PAPPA: variants seen among roughly 807,000 people sequenced by gnomAD.
PAPPA encodes the protein pappalysin-1.
Under a neutral mutation model 164.0 loss-of-function variants are expected in PAPPA, and 60 were observed. That is an observed-to-expected ratio of 0.37 (90% CI 0.30 to 0.45). The LOEUF (loss-of-function observed/expected upper bound fraction) is 0.45. PAPPA is among the 20% of genes least tolerant of loss of function. PAPPA has a pLI of 1.00. For missense variants in PAPPA, 1,782 were observed against 2,087.3 expected (o/e 0.85, Z 2.85); for synonymous variants, 875 against 814.1 (o/e 1.07, Z -1.27).
At chr9:116,249,483 TGTAAG>T in intron 7 of PAPPA, among the ~76,000 whole-genome samples, 1 of 152,294 alleles carries the variant, frequency 6.6e-6, no homozygotes, top group Admixed American at 6.5e-5. Context: ...ATTGAGTGTC[TGTAAG>T]GTAAGAGAAG....
Position 116,205,078 on chromosome 9 carries a change from T to A in PAPPA, c.1479-2378T>A, listed in dbSNP as rs1180276289. Among the ~76,000 whole-genome samples, 3 of 151,908 alleles carry A rather than the reference T, an allele frequency of 2.0e-5. No homozygotes were observed. The East Asian group carries it at 5.8e-4, about 29-fold the overall frequency. ...CAGAGCTGTGTTGTTGCTTTTTTTT[T>A]TTTTCCCCCCTTTGGGTGGGTTCCC... On this transcript the variant is annotated intron_variant, in intron 2 of 21. Coordinates refer to ENST00000328252, the MANE Select transcript of PAPPA (RefSeq NM_002581.5).
rs886600035 is a variant in PAPPA, at chr9:116,235,193, A to T, written c.2288A>T (p.Asn763Ile). The T allele has an allele frequency of 1.2e-6, 2 of 1,614,068 alleles. No homozygotes were observed. The highest frequency in any genetic ancestry group is 2.7e-5 in the African/African-American group (2 of 75,010). ...CKSSVRTWSP[N>I]SAVNPHTVPP... ...TCCAGTGTCCGCACCTGGAGCCCAA[A>T]TTCAGCTGTCAACCCACACACGGTT... The change falls in exon 7 of 22, where the codon AAT becomes ATT. Residue 763 changes from asparagine to isoleucine, a missense_variant. Coordinates refer to ENST00000328252, the MANE Select transcript of PAPPA (RefSeq NM_002581.5).
At chr9:116,199,698 A>T (rs1187401984) in intron 2 of PAPPA, among the ~76,000 whole-genome samples, 1 of 152,174 alleles carries the variant, frequency 6.6e-6, no homozygotes, top group African/African-American at 2.4e-5. Flanking sequence ...ATATTGCTTC[A>T]GAGGAATACC....
chr9:116,395,251 A>G (rs951460685), intron 21 of PAPPA, among the ~76,000 whole-genome samples: 1 of 152,180 alleles, frequency 6.6e-6, no homozygotes, highest in African/African-American at 2.4e-5. Flanking sequence ...TCTACATTTT[A>G]AATTATTGCA....
intron 21 of PAPPA, among the ~76,000 whole-genome samples, chr9:116,387,803 G>A (rs747249152): frequency 6.6e-6 from 1 of 152,210 alleles, no homozygotes; most frequent in Non-Finnish European, 1.5e-5. Context: ...CACAGCACCT[G>A]CCTCTAACCC....
At chr9:116,198,291 T>C (rs2118654484) in intron 2 of PAPPA, among the ~76,000 whole-genome samples, 1 of 152,312 alleles carries the variant, frequency 6.6e-6, no homozygotes, top group East Asian at 1.9e-4. Context: ...CCTCCTTACT[T>C]AGCAAGAGAT....
chr9:116,395,252 A>C (rs1347841234), intron 21 of PAPPA, among the ~76,000 whole-genome samples: 1 of 152,162 alleles, frequency 6.6e-6, no homozygotes, highest in Admixed American at 6.5e-5. Flanking sequence ...CTACATTTTA[A>C]ATTATTGCAA....
chr9:116,392,846 C>T (rs1223075437), intron 21 of PAPPA, among the ~76,000 whole-genome samples: 2 of 152,146 alleles, frequency 1.3e-5, no homozygotes, highest in Non-Finnish European at 2.9e-5. Context: ...CTGAAGTCCA[C>T]AAGATGCCAG....
intron 9 of PAPPA, among the ~76,000 whole-genome samples, chr9:116,298,522 C>A (rs1349627773): frequency 2.0e-5 from 3 of 152,154 alleles, no homozygotes; most frequent in Non-Finnish European, 4.4e-5. Flanking sequence ...TCAGAATGCC[C>A]AGTGCAATCC....
chr9:116,241,216 T>C (rs1207455454), intron 7 of PAPPA, among the ~76,000 whole-genome samples: 1 of 152,204 alleles, frequency 6.6e-6, no homozygotes, highest in Non-Finnish European at 1.5e-5. Flanking sequence ...TTTGTTGACT[T>C]CCAACATGAG....
At chr9:116,280,075 G>A (rs561055709) in intron 9 of PAPPA, among the ~76,000 whole-genome samples, 5 of 152,098 alleles carry the variant, frequency 3.3e-5, no homozygotes, top group Admixed American at 6.5e-5. Context: ...GGAAAAAATC[G>A]GCTGCTTGCC....
At chr9:116,218,673 C>T (rs1057346755) in intron 4 of PAPPA, among the ~76,000 whole-genome samples, 4 of 152,122 alleles carry the variant, frequency 2.6e-5, no homozygotes, top group Non-Finnish European at 4.4e-5. Context: ...GCCTCAGACT[C>T]AACTCCCATT....
chr9:116,180,292 T>G (rs1011561356), intron 1 of PAPPA, among the ~76,000 whole-genome samples: 4 of 151,916 alleles, frequency 2.6e-5, no homozygotes, highest in Admixed American at 2.6e-4. Flanking sequence ...CATGGTGGAT[T>G]GAGAGCACCA....
In PAPPA at chr9:116,396,849, A is replaced by C. The variant is rs1168027695; in HGVS notation, c.*233A>C. On this transcript the variant is annotated 3_prime_UTR_variant, in exon 22 of 22. Coordinates refer to ENST00000328252, the MANE Select transcript of PAPPA (RefSeq NM_002581.5). ...CATCCCAAAGTCTGAGATGGATTGC[A>C]TATACAGTGTGCAGTCCCAGAGCCT... 1.1e-5 allele frequency: 6 copies of C among 562,538 alleles called. No individual in the cohort carries two copies. Among genetic ancestry groups the C allele is most frequent in the Non-Finnish European group, 1.9e-5 (6 of 313,976 alleles). 34.8% of individuals were successfully genotyped at this position (562,538 alleles called of 1,614,324 possible).
chr9:116,173,541 A>C (rs941534136), intron 1 of PAPPA, among the ~76,000 whole-genome samples: 3 of 152,210 alleles, frequency 2.0e-5, no homozygotes, highest in African/African-American at 7.2e-5. Context: ...ATCTTTTGGC[A>C]TGTCATTCAC....
chr9:116,175,542 TAAAAG>T (rs1441835847), intron 1 of PAPPA, among the ~76,000 whole-genome samples: 8 of 152,252 alleles, frequency 5.3e-5, no homozygotes, highest in African/African-American at 1.7e-4. Context: ...AATACAAACT[TAAAAG>T]AAGAAGAAAA....
chr9:116,235,493 A>C lies in PAPPA; in HGVS notation c.2588A>C (p.Glu863Ala), dbSNP rs1377248330. Residue 863 changes from glutamate to alanine, a missense_variant, in exon 7 of 22, where the codon GAG (glutamate) becomes GCG (alanine). Glu to Ala is a moderately radical substitution (Grantham distance 107). This residue lies in a region of PAPPA where 1,324 missense variants were observed against 1,656.9 expected (regional missense o/e 0.80). Transcript: ENST00000328252. ...ATCTACACGCTGGATGAGCACCTGG[A>C]GATCGATGCTGCCATGTTGACCTCC... ...IQIYTLDEHLEIDAAMLTSTA... is the reference protein window; with the variant it reads ...IQIYTLDEHLAIDAAMLTSTA... 2.2e-5 allele frequency: 35 copies of C among 1,613,562 alleles called. No homozygotes were observed. Among genetic ancestry groups the C allele is most frequent in the Non-Finnish European group, 3.0e-5 (35 of 1,179,922 alleles).
At chr9:116,235,717 CA>C (rs1844656634) in intron 7 of PAPPA, 80 bp downstream of exon 7, 2 of 1,373,498 alleles carry the variant, frequency 1.5e-6, no homozygotes, top group Non-Finnish European at 2.1e-6. Context: ...GAGGCCTGGA[CA>C]GGGGGAAGGT....
chr9:116,256,152 A>T (rs557716922), intron 7 of PAPPA, among the ~76,000 whole-genome samples: 2 of 152,126 alleles, frequency 1.3e-5, no homozygotes, highest in Middle Eastern at 6.8e-3. Context: ...GAAAATTAAA[A>T]ACATGAAAAA....
Sources: allele counts gnomAD v4.1 joint callset (sites outside exome capture counted in the v4.1 genomes callset), GRCh38; gene constraint gnomAD v4.1.1; regional missense constraint gnomAD v4.1.1; transcripts MANE v1.5; gene names NCBI Gene and HGNC (gene_info 2026-07-23, HGNC 2026-07-21).